Variants in CYB5R2 observed in about 807,000 individuals in gnomAD.
CYB5R2 encodes the protein cytochrome b5 reductase 2.
In CYB5R2, 35 loss-of-function variants were observed where a neutral mutation model predicts 29.8. The ratio of observed to expected loss-of-function variants is 1.17; its 90% confidence interval spans 0.90 to 1.56. The LOEUF is 1.56. Ranked by LOEUF, CYB5R2 falls within the 40% of genes most tolerant of loss-of-function variation. The pLI is 0.00. For synonymous variants in CYB5R2, 169 were observed against 130.6 expected, an observed-to-expected ratio of 1.29 and a Z score of -2.01; for missense variants, 419 against 346.7, an observed-to-expected ratio of 1.21 and a Z score of -1.66.
intron 2 of CYB5R2, 25 bp downstream of exon 2, chr11:7,672,723 T>A: frequency 6.2e-7 from 1 of 1,613,986 alleles, no homozygotes; most frequent in Non-Finnish European, 8.5e-7. Context: ...CTTACTGCCT[T>A]CCACCCACAG....
In CYB5R2 at chr11:7,672,453, A is replaced by G. The variant is rs887614105; in HGVS notation, c.149T>C (p.Val50Ala). The G allele has an allele frequency of 2.5e-6, 4 of 1,614,042 alleles. No homozygotes were observed. Among genetic ancestry groups the G allele is most frequent in the African/African-American group, 2.7e-5 (2 of 75,042 alleles). Residue 50 changes from valine (V) to alanine (A), a missense_variant and splice_region_variant, in exon 3 of 9, where the codon GTA becomes GCA. Coordinates refer to ENST00000299498, the MANE Select transcript of CYB5R2 (RefSeq NM_016229.5). ...GTGATGACCCAAGCCCGGCTCACCT[A>G]CAGGAAGCCCTAAGACATGGTCCGG... ...PSPDHVLGLPVGNYVQLLAKI... is the reference protein window; with the variant it reads ...PSPDHVLGLPAGNYVQLLAKI...
At chr11:7,670,000 G>T (rs993944868) in intron 3 of CYB5R2, 2 of 410,062 alleles carry the variant, frequency 4.9e-6, no homozygotes, top group Non-Finnish European at 8.8e-6. Context: ...CTGCCCACCT[G>T]TGATCTTAGT....
intron 3 of CYB5R2, chr11:7,671,784 C>T (rs1207269410): frequency 2.0e-5 from 3 of 152,290 alleles, no homozygotes; most frequent in Non-Finnish European, 4.4e-5. Context: ...TTTTCTACTG[C>T]ACTAAGACTG....
In CYB5R2 at chr11:7,669,240, C is replaced by A; in HGVS notation, c.353G>T (p.Arg118Leu). 1 of 1,614,022 alleles carries A rather than the reference C, an allele frequency of 6.2e-7. No individual in the cohort carries two copies. Among genetic ancestry groups the A allele is most frequent in the Non-Finnish European group, 8.5e-7 (1 of 1,179,996 alleles). Residue 118 changes from arginine to leucine, a missense_variant, in exon 5 of 9, where the codon CGA (arginine) becomes CTA (leucine). By Grantham distance (102) the Arg-to-Leu change is moderately radical (BLOSUM62 -2). Coordinates refer to ENST00000299498, the MANE Select transcript of CYB5R2 (RefSeq NM_016229.5). ...GTAAAACAAGCGTCCCCTTGGCCCTCGAAAAAAGATGGTCTCCCCGATTTT... is the reference window on the plus strand; with the variant it reads ...GTAAAACAAGCGTCCCCTTGGCCCTAGAAAAAAGATGGTCTCCCCGATTTT... ...NMKIGETIFFRGPRGRLFYHG... is the reference protein window; with the variant it reads ...NMKIGETIFFLGPRGRLFYHG...
At chr11:7,673,026 C>G (rs1590887447) in intron 1 of CYB5R2, 135 bp from the exon 2 acceptor site, 1 of 845,980 alleles carries the variant, frequency 1.2e-6, no homozygotes, top group Admixed American at 2.3e-5. Flanking sequence ...GCAAAGAGAA[C>G]AGTAGTGACA....
chr11:7,672,476 C>T lies in CYB5R2; in HGVS notation c.126G>A (p.Pro42=), dbSNP rs552628590. The T allele has an allele frequency of 2.2e-5, 36 of 1,614,178 alleles. No individual in the cohort carries two copies. Among genetic ancestry groups the T allele is most frequent in the South Asian group, 8.8e-5 (8 of 91,082 alleles). Residue 42 remains proline, a synonymous_variant, in exon 3 of 9, where the codon CCG becomes CCA. Transcript: ENST00000299498. ...TRRFRFGLPS[P]DHVLGLPVGN... ...CTACAGGAAGCCCTAAGACATGGTC[C>T]GGCGAAGGCAGTCCAAAGCGGAACC... is the stretch of plus-strand genomic sequence containing the variant.
chr11:7,672,570 T>TTGCTGGGCAGCTGAGATGCC, intron 2 of CYB5R2, 47 bp from the exon 3 acceptor site: 1 of 1,594,410 alleles, frequency 6.3e-7, no homozygotes, highest in South Asian at 1.1e-5. Context: ...TCTAGAAGCC[T>TTGCTGGGCAGCTGAGATGCC]TGCTGGGCAG....
At chr11:7,666,816 G>A (rs1855286212) in intron 7 of CYB5R2, 1 of 316,338 alleles carries the variant, frequency 3.2e-6, no homozygotes, top group Non-Finnish European at 6.0e-6. Context: ...CCAACTAGAA[G>A]GACCTTAGCC....
At chr11:7,669,972 A>G (rs1407419375) in intron 3 of CYB5R2, 2 of 490,756 alleles carry the variant, frequency 4.1e-6, no homozygotes, top group Non-Finnish European at 7.3e-6. Flanking sequence ...CTTCATCTGT[A>G]AAATGGGGGT....
rs780229893 is a variant in CYB5R2 at position 7,669,201 on chromosome 11, G to C, written c.388+4C>G. The C allele has an allele frequency of 5.0e-6, 8 of 1,613,996 alleles. No individual in the cohort carries two copies. In the South Asian group the frequency reaches 6.6e-5, roughly 13 times the overall value. ...GGGAGCCCAAGTATTAACCCCTCCA[G>C]TACCTGGCCCATGGTAAAACAAGCG... is the stretch of plus-strand genomic sequence containing the variant. On this transcript the variant is annotated splice_donor_region_variant and intron_variant, in intron 5 of 8. Coordinates refer to ENST00000299498, the MANE Select transcript of CYB5R2 (RefSeq NM_016229.5).
Position 7,668,559 on chromosome 11 carries a change from T to G in CYB5R2, c.391A>C (p.Asn131His). ...RGRLFYHGPGNLGIRPDQTSE... is the reference protein window; with the variant it reads ...RGRLFYHGPGHLGIRPDQTSE... ...GTCTGGTCTGGTCTGATTCCAAGAT[T>G]CCCTGGAAACACAGAGAATGCTTAT... Residue 131 changes from asparagine (N) to histidine (H), a missense_variant and splice_region_variant, in exon 6 of 9, where the codon AAT becomes CAT. Asn to His is a moderately conservative substitution (Grantham distance 68). Transcript: ENST00000299498. The G allele has an allele frequency of 6.2e-7, 1 of 1,612,540 alleles. No individual in the cohort carries two copies. Among genetic ancestry groups the G allele is most frequent in the Non-Finnish European group, 8.5e-7 (1 of 1,178,612 alleles).
In CYB5R2 at chr11:7,665,303, C is replaced by T. The variant is rs1355051166; in HGVS notation, c.*71G>A. 6 of 1,283,522 alleles carry T rather than the reference C, an allele frequency of 4.7e-6. No homozygotes were observed. Among genetic ancestry groups the T allele is most frequent in the Non-Finnish European group, 6.4e-6 (6 of 944,770 alleles). The allele number at this position is 1,283,522 out of a possible 1,614,324, so 79.5% of individuals were successfully genotyped here. A position where few individuals can be genotyped will look rare whatever the true frequency, so the allele number is the denominator to read the frequency against. On this transcript the variant is annotated 3_prime_UTR_variant, in exon 9 of 9. Transcript: ENST00000299498. ...GCACTTTTGAAAACATCCCAGTTTA[C>T]CGTGGTGAAATTGAACTTACTCTGA...
At chr11:7,665,708 G>C in intron 8 of CYB5R2, 162 bp from the exon 9 acceptor site, 1 of 1,151,580 alleles carries the variant, frequency 8.7e-7, no homozygotes, top group South Asian at 1.5e-5. Flanking sequence ...CTCAGAACTA[G>C]TAAACAGCCC....
chr11:7,673,411 G>A lies in CYB5R2; in HGVS notation c.-67+8C>T, dbSNP rs780280698. 2 of 994,488 alleles carry A rather than the reference G, an allele frequency of 2.0e-6. No individual in the cohort carries two copies. Among genetic ancestry groups the A allele is most frequent in the Non-Finnish European group, 2.4e-6 (2 of 834,610 alleles). The allele number at this position is 994,488 out of a possible 1,614,324, so 61.6% of individuals were successfully genotyped here. A position where few individuals can be genotyped will look rare whatever the true frequency, so the allele number is the denominator to read the frequency against. The stretch of plus-strand genomic sequence containing the variant: ...GAGACTCGGGAGCCTCCCCGCATCT[G>A]TCCCTACCCTACAAGGCCGCCCTGC... On this transcript the variant is annotated splice_region_variant and intron_variant, in intron 1 of 8. Coordinates refer to ENST00000299498, the MANE Select transcript of CYB5R2 (RefSeq NM_016229.5).
chr11:7,665,641 G>T, intron 8 of CYB5R2, 95 bp from the exon 9 acceptor site: 1 of 1,338,244 alleles, frequency 7.5e-7, no homozygotes, highest in Non-Finnish European at 1.0e-6. Context: ...CAGGGAGGAG[G>T]TGACAAGCTG....
At chr11:7,673,625 C>A, upstream of CYB5R2, 1 of 985,396 alleles carries the variant, frequency 1.0e-6, no homozygotes, top group African/African-American at 1.7e-5. Context: ...CCGGCTCTAG[C>A]CGGCCTCCGC....
intron 4 of CYB5R2, 93 bp downstream of exon 4, chr11:7,669,532 T>C: frequency 8.1e-7 from 1 of 1,239,432 alleles, no homozygotes; most frequent in Non-Finnish European, 1.1e-6. Context: ...CTAGGGCATA[T>C]GTGCCCTCAG....
Position 7,673,095 on chromosome 11 carries a change from G to C in CYB5R2, c.-66-204C>G, listed in dbSNP as rs565207094. The C allele has an allele frequency of 6.4e-4, 327 of 508,180 alleles. 6 individuals carry two copies. The highest frequency in any genetic ancestry group is 6.0e-3 in the South Asian group (303 of 50,316). 31.5% of individuals were successfully genotyped at this position (508,180 alleles called of 1,614,324 possible). The stretch of plus-strand genomic sequence containing the variant: ...GAGGGTAGGGAGGGGTCAGCTGCAG[G>C]TCACACAGGAAGGATGTTTCAGGCC... On this transcript the variant is annotated intron_variant, in intron 1 of 8. Coordinates refer to ENST00000299498, the MANE Select transcript of CYB5R2 (RefSeq NM_016229.5).
At chr11:7,668,225 T>G (rs549494495) in intron 6 of CYB5R2, among the ~76,000 whole-genome samples, 1 of 152,308 alleles carries the variant, frequency 6.6e-6, no homozygotes, top group East Asian at 1.9e-4. Flanking sequence ...TGGGACAGCA[T>G]GGGTGGGCCT....
Sources: allele counts gnomAD v4.1 joint callset (sites outside exome capture counted in the v4.1 genomes callset), GRCh38; gene constraint gnomAD v4.1.1; transcripts MANE v1.5; gene names NCBI Gene and HGNC (gene_info 2026-07-23, HGNC 2026-07-21).